Variants in PPEF1 observed in about 807,000 individuals in gnomAD.
The protein encoded by PPEF1 is protein phosphatase with EF-hand domain 1, also known as serine/threonine-protein phosphatase with EF-hands 1.
PPEF1 carries 12 observed loss-of-function variants against 53.3 expected under a neutral mutation model. That is an observed-to-expected ratio of 0.23 (90% CI 0.14 to 0.36). The LOEUF (loss-of-function observed/expected upper bound fraction) is 0.36, where lower values mean the gene tolerates loss of function less well. Among genes scored for constraint, PPEF1 ranks in the 10% least tolerant of loss-of-function variants. The pLI is 1.00. For synonymous variants in PPEF1, 165 were observed against 176.7 expected, an observed-to-expected ratio of 0.93 and a Z score of 0.52; for missense variants, 334 against 490.4, an observed-to-expected ratio of 0.68 and a Z score of 3.01.
intron 4 of PPEF1, among the ~76,000 whole-genome samples, chrX:18,755,918 G>T (rs2045539949): frequency 9.0e-6 from 1 of 110,804 alleles, no homozygotes; most frequent in African/African-American, 3.3e-5. Flanking sequence ...ACTTTGTATG[G>T]ATATAGCACA....
intron 4 of PPEF1, among the ~76,000 whole-genome samples, chrX:18,753,987 C>G (rs1292465443): frequency 9.3e-6 from 1 of 107,934 alleles, no homozygotes; most frequent in Non-Finnish European, 1.9e-5. Context: ...TCTGAAATCT[C>G]TGTTCCTTTA....
intron 1 of PPEF1, among the ~76,000 whole-genome samples, chrX:18,710,998 GTA>G (rs1319299872): frequency 9.2e-6 from 1 of 108,889 alleles, no homozygotes; most frequent in Non-Finnish European, 1.9e-5. Flanking sequence ...GTGTGTGTGT[GTA>G]TATATGTGTG....
chrX:18,766,078 A>G (rs868603878), intron 6 of PPEF1, among the ~76,000 whole-genome samples: 138 of 103,633 alleles, frequency 1.3e-3, no homozygotes, highest in Non-Finnish European at 1.4e-3. Flanking sequence ...AAAAAAAAAA[A>G]AAAAAAGAAA....
At chrX:18,700,243 GTGTGTGTGT>G (rs1569242359) in intron 5 of PPEF1, 236 of 38,180 alleles carry the variant, frequency 6.2e-3, no homozygotes, top group African/African-American at 0.017. Context: ...AGAGTGGGGT[GTGTGTGTGT>G]GTGTGTGTGT....
chrX:18,814,252 A>T (rs2044386466), intron 12 of PPEF1, among the ~76,000 whole-genome samples: 1 of 111,930 alleles, frequency 8.9e-6, no homozygotes, highest in African/African-American at 3.2e-5. Context: ...ATTGATGGAC[A>T]CCTAGGTTGA....
At chrX:18,800,216 A>G (rs767864460) in intron 10 of PPEF1, among the ~76,000 whole-genome samples, 12 of 111,679 alleles carry the variant, frequency 1.1e-4, no homozygotes, top group Non-Finnish European at 2.1e-4. Flanking sequence ...GAGTCCCATC[A>G]TATGTGCATT....
In PPEF1 at chrX:18,747,893, T is replaced by A. The variant is rs181139623; in HGVS notation, c.236-1899T>A. Reference sequence around the variant, plus strand: ...GGGTTTTTGTTTTTGCTGTTATTTGTTTTTTCTAAGAGTTGCTTGGTATTT... The same window carrying A: ...GGGTTTTTGTTTTTGCTGTTATTTGATTTTTCTAAGAGTTGCTTGGTATTT... On this transcript the variant is annotated intron_variant, in intron 3 of 15. Coordinates refer to ENST00000470157, the MANE Select transcript of PPEF1 (RefSeq NM_001377996.1). Among the ~76,000 whole-genome samples the A allele has an allele frequency of 2.6e-4, 29 of 112,121 alleles. No homozygotes were observed. In the East Asian group the frequency reaches 3.9e-3, roughly 15 times the overall value.
chrX:18,803,677 G>A (rs1409034196), intron 10 of PPEF1, among the ~76,000 whole-genome samples: 1 of 111,681 alleles, frequency 9.0e-6, no homozygotes, highest in Admixed American at 9.5e-5. Flanking sequence ...GGCTGGGCTT[G>A]AACTCCTGGC....
chrX:18,716,393 G>A (rs1280205499), intron 1 of PPEF1, among the ~76,000 whole-genome samples: 4 of 108,888 alleles, frequency 3.7e-5, no homozygotes, highest in South Asian at 4.0e-4. Flanking sequence ...TTAGCAGGGC[G>A]TGGTGGCGGG....
At chrX:18,756,346 A>T (rs2045550375) in intron 4 of PPEF1, among the ~76,000 whole-genome samples, 1 of 109,880 alleles carries the variant, frequency 9.1e-6, no homozygotes, top group African/African-American at 3.3e-5. Flanking sequence ...TGCCTGGCTA[A>T]TTTTTATATT....
intron 6 of PPEF1, among the ~76,000 whole-genome samples, chrX:18,776,836 C>G (rs776075495): frequency 8.9e-6 from 1 of 111,965 alleles, no homozygotes; most frequent in Admixed American, 9.5e-5. Flanking sequence ...AGGAGGATCA[C>G]TTGAACCTGG....
At chrX:18,778,254 G>A (rs749289863) in intron 6 of PPEF1, among the ~76,000 whole-genome samples, 2 of 111,431 alleles carry the variant, frequency 1.8e-5, no homozygotes, top group South Asian at 7.6e-4. Flanking sequence ...TTATAGTATA[G>A]TACTAAATGA....
intron 12 of PPEF1, 74 bp downstream of exon 12, chrX:18,806,619 G>T (rs1184918017): frequency 1.1e-6 from 1 of 952,192 alleles, no homozygotes. Context: ...GTGACTAAGA[G>T]CAGCCACGTG....
chrX:18,678,572 C>A (rs187238503), upstream of PPEF1, among the ~76,000 whole-genome samples: 412 of 112,288 alleles, frequency 3.7e-3, 4 homozygotes, highest in African/African-American at 0.013. Flanking sequence ...TCTGTCCCCC[C>A]ACTGGGACTT....
At chrX:18,677,242 T>C (rs1415272236) in intron 1 of PPEF1, among the ~76,000 whole-genome samples, 2 of 111,207 alleles carry the variant, frequency 1.8e-5, no homozygotes, top group Non-Finnish European at 3.8e-5. Flanking sequence ...TTTCACCATG[T>C]TGGCCAGGTT....
At chrX:18,788,102 G>A (rs746860098) in intron 9 of PPEF1, among the ~76,000 whole-genome samples, 8 of 111,346 alleles carry the variant, frequency 7.2e-5, no homozygotes, top group Admixed American at 5.7e-4. Context: ...GGATCACGAG[G>A]TCAGGAGATC....
intron 1 of PPEF1, among the ~76,000 whole-genome samples, chrX:18,725,889 C>T (rs1369941135): frequency 9.0e-6 from 1 of 110,834 alleles, no homozygotes; most frequent in Non-Finnish European, 1.9e-5. Flanking sequence ...ACCCAGTGAA[C>T]GTATTGTGTG....
At chrX:18,737,752 G>C (rs1010744242) in intron 3 of PPEF1, among the ~76,000 whole-genome samples, 13 of 110,458 alleles carry the variant, frequency 1.2e-4, no homozygotes, top group Non-Finnish European at 2.3e-4. Context: ...TATTGTGTGG[G>C]AGTCTAAGTC....
chrX:18,736,864 G>A (rs1401258631), intron 3 of PPEF1, among the ~76,000 whole-genome samples: 5 of 109,635 alleles, frequency 4.6e-5, no homozygotes, highest in Non-Finnish European at 3.8e-5. Context: ...TTGGGAGGGT[G>A]TATGTGTCCA....
Sources: gnomAD v4.1 joint callset for allele counts (sites outside exome capture counted in the v4.1 genomes callset) on GRCh38, gnomAD v4.1.1 for gene constraint, MANE v1.5 for transcripts, NCBI Gene and HGNC (gene_info 2026-07-23, HGNC 2026-07-21) for gene names.